LRP1B: variants seen among roughly 807,000 people sequenced by gnomAD.
LRP1B encodes LDL receptor related protein 1B, also known as low-density lipoprotein receptor-related protein 1B.
In LRP1B, 217 loss-of-function variants were observed where a neutral mutation model predicts 556.6. The observed-to-expected ratio is 0.39, with a 90% CI of 0.35 to 0.44. The LOEUF is 0.44. Ranked by LOEUF, LRP1B falls within the 20% of genes least tolerant of loss-of-function variation. The pLI is 1.00. For missense variants in LRP1B, 5,053 were observed against 5,620.8 expected, an observed-to-expected ratio of 0.90 and a Z score of 3.23; for synonymous variants, 2,047 against 1,865.8, an observed-to-expected ratio of 1.10 and a Z score of -2.50.
intron 1 of LRP1B, among the ~76,000 whole-genome samples, chr2:142,114,362 G>T (rs1487872209): frequency 6.6e-6 from 1 of 152,088 alleles, no homozygotes; most frequent in East Asian, 1.9e-4. Flanking sequence ...AATTATTGCA[G>T]TGAATATTAA....
At chr2:141,642,399 A>T (rs1689369049) in intron 2 of LRP1B, among the ~76,000 whole-genome samples, 1 of 152,158 alleles carries the variant, frequency 6.6e-6, no homozygotes, top group African/African-American at 2.4e-5. Context: ...AAACTACACA[A>T]ATTTCCTATC....
chr2:141,188,385 A>G (rs2105192642), intron 7 of LRP1B, 36 bp downstream of exon 7: 1 of 1,588,710 alleles, frequency 6.3e-7, no homozygotes, highest in Non-Finnish European at 8.6e-7. Context: ...TTAAACGCAA[A>G]CTTTTTTAGA....
At chr2:140,863,158 G>GTATA (rs142910004) in intron 27 of LRP1B, among the ~76,000 whole-genome samples, 9 of 151,302 alleles carry the variant, frequency 5.9e-5, no homozygotes, top group African/African-American at 2.2e-4. Flanking sequence ...CTGTGTGTGT[G>GTATA]TATATATATA....
intron 3 of LRP1B, among the ~76,000 whole-genome samples, chr2:141,279,289 G>A (rs1432909728): frequency 6.6e-6 from 1 of 151,984 alleles, no homozygotes; most frequent in Non-Finnish European, 1.5e-5. Context: ...AAGGAATCAA[G>A]GCATATACTC....
intron 46 of LRP1B, among the ~76,000 whole-genome samples, chr2:140,535,581 A>T (rs1363846045): frequency 2.0e-5 from 3 of 152,146 alleles, no homozygotes; most frequent in South Asian, 2.1e-4. Context: ...GGAGAAAAGC[A>T]GATATAAAAT....
intron 31 of LRP1B, among the ~76,000 whole-genome samples, chr2:140,820,155 A>AT (rs145689823): frequency 0.044 from 6,737 of 152,052 alleles, 476 homozygotes; most frequent in African/African-American, 0.15. Flanking sequence ...TGTATTAAAT[A>AT]TTTTTTGTAG....
intron 2 of LRP1B, among the ~76,000 whole-genome samples, chr2:141,544,988 G>C (rs926544095): frequency 2.0e-5 from 3 of 152,058 alleles, no homozygotes; most frequent in African/African-American, 7.2e-5. Context: ...TCCCCGTTAA[G>C]TGTTTAAATT....
intron 3 of LRP1B, chr2:141,286,748 T>C (rs1413422176): frequency 2.3e-6 from 1 of 443,764 alleles, no homozygotes; most frequent in Admixed American, 2.4e-5. Context: ...ACATTGAATT[T>C]GTACATTGTA....
At chr2:141,153,261 T>G (rs1701969838) in intron 7 of LRP1B, among the ~76,000 whole-genome samples, 1 of 131,964 alleles carries the variant, frequency 7.6e-6, no homozygotes, top group African/African-American at 2.8e-5. Flanking sequence ...TTTATATATA[T>G]TTATAATAAT....
intron 41 of LRP1B, among the ~76,000 whole-genome samples, chr2:140,664,235 G>C (rs1201961850): frequency 6.6e-6 from 1 of 152,150 alleles, no homozygotes; most frequent in Admixed American, 6.5e-5. Context: ...CATAAAGTGA[G>C]CACATGTTAT....
At chr2:141,290,036 A>C (rs186823900) in intron 3 of LRP1B, among the ~76,000 whole-genome samples, 5 of 152,300 alleles carry the variant, frequency 3.3e-5, no homozygotes, top group Admixed American at 2.0e-4. Context: ...CTAGTTCTCA[A>C]ACTTCACAAG....
At chr2:141,539,432 A>G (rs1685177688) in intron 2 of LRP1B, among the ~76,000 whole-genome samples, 1 of 152,154 alleles carries the variant, frequency 6.6e-6, no homozygotes, top group Non-Finnish European at 1.5e-5. Flanking sequence ...ATTCTATGAA[A>G]AATTTTATTG....
At chr2:141,282,489 G>GTATATGTATATGTA (rs1558979694) in intron 3 of LRP1B, among the ~76,000 whole-genome samples, 5 of 150,446 alleles carry the variant, frequency 3.3e-5, no homozygotes, top group Non-Finnish European at 7.4e-5. Flanking sequence ...ATATGTATAT[G>GTATATGTATATGTA]TATATGTATA....
intron 69 of LRP1B, 115 bp from the exon 70 acceptor site, chr2:140,371,400 C>A: frequency 2.1e-6 from 1 of 474,410 alleles, no homozygotes; most frequent in Non-Finnish European, 3.7e-6. Flanking sequence ...ATAGTTTATA[C>A]TATATAACGA....
At chr2:141,669,744 C>T (rs116792832) in intron 2 of LRP1B, among the ~76,000 whole-genome samples, 7,269 of 78,220 alleles carry the variant, frequency 0.093, 252 homozygotes, top group Middle Eastern at 0.26. Flanking sequence ...TTTTCATTGC[C>T]TTTTTTGGCG....
chr2:141,878,544 A>G (rs1381040661), intron 1 of LRP1B, among the ~76,000 whole-genome samples: 1 of 149,922 alleles, frequency 6.7e-6, no homozygotes, highest in Non-Finnish European at 1.5e-5. Context: ...AAAGGAAGAA[A>G]GACAGAAAAG....
chr2:141,155,467 T>C (rs910478792), intron 7 of LRP1B, among the ~76,000 whole-genome samples: 5 of 116,334 alleles, frequency 4.3e-5, no homozygotes, highest in African/African-American at 1.0e-4. Flanking sequence ...TTTTATTTTA[T>C]TTTTTTCTTT....
At chr2:141,710,430 T>C (rs1692315548) in intron 2 of LRP1B, among the ~76,000 whole-genome samples, 1 of 152,008 alleles carries the variant, frequency 6.6e-6, no homozygotes, top group African/African-American at 2.4e-5. Context: ...AATTAAAGAG[T>C]AAAGAGCAGC....
chr2:140,296,709 A>C (rs1158937992), intron 84 of LRP1B, among the ~76,000 whole-genome samples: 1 of 152,192 alleles, frequency 6.6e-6, no homozygotes, highest in Non-Finnish European at 1.5e-5. Context: ...GAAATGATTA[A>C]CTGCTGAAAG....
Sources: allele counts gnomAD v4.1 joint callset (sites outside exome capture counted in the v4.1 genomes callset), GRCh38; gene constraint gnomAD v4.1.1; transcripts MANE v1.5; gene names NCBI Gene and HGNC (gene_info 2026-07-23, HGNC 2026-07-21).